Variants in COL22A1 observed in about 807,000 individuals in gnomAD.
COL22A1 encodes the protein collagen type XXII alpha 1 chain.
In COL22A1, 221 loss-of-function variants were observed where a neutral mutation model predicts 248.9. The observed-to-expected ratio is 0.89, with a 90% CI of 0.80 to 0.99. COL22A1 has a LOEUF of 0.99. Ranked by LOEUF, COL22A1 falls within the 50% of genes least tolerant of loss-of-function variation. The pLI is 0.00. For missense variants in COL22A1, 2,240 were observed against 2,179.0 expected, an observed-to-expected ratio of 1.03 and a Z score of -0.56; for synonymous variants, 891 against 793.4, an observed-to-expected ratio of 1.12 and a Z score of -2.07.
At chr8:138,611,182 C>G (rs1818833070) in intron 56 of COL22A1, among the ~76,000 whole-genome samples, 1 of 152,236 alleles carries the variant, frequency 6.6e-6, no homozygotes, top group African/African-American at 2.4e-5. Context: ...AGCTAAGGCC[C>G]CTCTTGCCTC....
intron 63 of COL22A1, among the ~76,000 whole-genome samples, chr8:138,592,878 A>AC (rs1271780635): frequency 6.6e-6 from 1 of 152,214 alleles, no homozygotes; most frequent in Non-Finnish European, 1.5e-5. Context: ...TTTTTAAACA[A>AC]CCTTTTATAA....
At chr8:138,618,180 T>C (rs1819488022) in intron 53 of COL22A1, among the ~76,000 whole-genome samples, 1 of 152,206 alleles carries the variant, frequency 6.6e-6, no homozygotes, top group Non-Finnish European at 1.5e-5. Flanking sequence ...TGCCATTTCA[T>C]AGAAGAAGAA....
rs71518485 is a variant in COL22A1 at position 138,809,528 on chromosome 8, C to CTTTTTTTTTTTTTTTTTTTTTTT, written c.1450-1717_1450-1716insAAAAAAAAAAAAAAAAAAAAAAA. 2.2e-4 allele frequency among the ~76,000 whole-genome samples: 26 copies of CTTTTTTTTTTTTTTTTTTTTTTT among 117,664 alleles called. 1 individual carries two copies. Among genetic ancestry groups the CTTTTTTTTTTTTTTTTTTTTTTT allele is most frequent in the Middle Eastern group, 4.9e-3 (1 of 206 alleles). The allele number at this position is 117,664 out of a possible 152,430, so 77.2% of individuals were successfully genotyped here. On this transcript the variant is annotated intron_variant, in intron 9 of 64. Coordinates refer to ENST00000303045, the MANE Select transcript of COL22A1 (RefSeq NM_152888.3). ...TTTCTTCTTCTCTTTTTTTCTTTTTCTTTTTTTTTTGAGACAGAGTCTCAC... is the reference window on the plus strand; with the variant it reads ...TTTCTTCTTCTCTTTTTTTCTTTTTCTTTTTTTTTTTTTTTTTTTTTTTTTTTTTTTTTGAGACAGAGTCTCAC...
intron 23 of COL22A1, among the ~76,000 whole-genome samples, chr8:138,732,762 C>T: frequency 6.6e-6 from 1 of 152,136 alleles, no homozygotes; most frequent in African/African-American, 2.4e-5. Flanking sequence ...TGAAGAAACA[C>T]TTGGTCCCTC....
At chr8:138,817,157 T>C (rs1185510920) in intron 7 of COL22A1, among the ~76,000 whole-genome samples, 1 of 152,224 alleles carries the variant, frequency 6.6e-6, no homozygotes, top group African/African-American at 2.4e-5. Context: ...ATTCAAGAAG[T>C]AGCATCTTTA....
intron 1 of COL22A1, among the ~76,000 whole-genome samples, chr8:138,900,760 G>A (rs138862827): frequency 2.0e-3 from 312 of 152,344 alleles, no homozygotes; most frequent in African/African-American, 6.6e-3. Context: ...GTCCCAGACT[G>A]TGTGCCAGGC....
chr8:138,843,995 G>A (rs1488568435), intron 4 of COL22A1, 89 bp downstream of exon 4: 4 of 1,164,950 alleles, frequency 3.4e-6, no homozygotes, highest in Admixed American at 1.7e-5. Flanking sequence ...CAGGGTCAGT[G>A]AGGCCACCCC....
At chr8:138,760,165 C>G in intron 18 of COL22A1, 78 bp downstream of exon 18, 1 of 1,276,626 alleles carries the variant, frequency 7.8e-7, no homozygotes, top group Non-Finnish European at 1.0e-6. Context: ...CTTCCCTGAG[C>G]CTGGTTTGCC....
At chr8:138,594,779 T>C (rs1309168883) in intron 62 of COL22A1, among the ~76,000 whole-genome samples, 1 of 152,042 alleles carries the variant, frequency 6.6e-6, no homozygotes, top group Non-Finnish European at 1.5e-5. Flanking sequence ...CAATGGTCAG[T>C]TGGGGAAACT....
At chr8:138,833,194 G>A (rs185972728) in intron 4 of COL22A1, 44 bp from the exon 5 acceptor site, 2 of 1,381,346 alleles carry the variant, frequency 1.4e-6, no homozygotes, top group South Asian at 1.2e-5. Context: ...AGAAGGAAGA[G>A]TATAAGAGAC....
chr8:138,649,849 T>C (rs923273481), intron 45 of COL22A1, 71 bp from the exon 46 acceptor site: 4 of 912,028 alleles, frequency 4.4e-6, no homozygotes, highest in Non-Finnish European at 6.6e-6. Flanking sequence ...CAAAGCAAAG[T>C]AGCCCTGGCT....
intron 61 of COL22A1, among the ~76,000 whole-genome samples, chr8:138,598,279 C>T (rs1817709248): frequency 6.6e-6 from 1 of 152,142 alleles, no homozygotes; most frequent in Non-Finnish European, 1.5e-5. Context: ...TCGGCAGATA[C>T]AAGAGTGGCA....
At chr8:138,626,341 G>A in intron 50 of COL22A1, 98 bp from the exon 51 acceptor site, 2 of 967,976 alleles carry the variant, frequency 2.1e-6, no homozygotes, top group Non-Finnish European at 3.3e-6. Context: ...TTGGGGGAGT[G>A]AGTGTTTGGT....
intron 23 of COL22A1, among the ~76,000 whole-genome samples, chr8:138,725,834 G>C (rs1294453497): frequency 1.3e-5 from 2 of 151,682 alleles, no homozygotes; most frequent in African/African-American, 4.8e-5. Flanking sequence ...TTCCAGAAGA[G>C]TGCTTCTCAA....
intron 1 of COL22A1, among the ~76,000 whole-genome samples, chr8:138,910,290 C>G (rs12679664): frequency 3.7e-4 from 57 of 152,318 alleles, no homozygotes; most frequent in Non-Finnish European, 6.6e-4. Flanking sequence ...ACCAATTCTT[C>G]CCCTCAACAT....
intron 25 of COL22A1, 68 bp downstream of exon 25, chr8:138,724,547 C>T: frequency 6.7e-7 from 1 of 1,500,834 alleles, no homozygotes; most frequent in Non-Finnish European, 9.2e-7. Context: ...GCTGCAAGGG[C>T]TCAGTGCTCC....
In COL22A1 at chr8:138,635,016, C is replaced by T. The variant is rs1821030670; in HGVS notation, c.3603G>A (p.Gly1201=). 6.2e-7 allele frequency: 1 copy of T among 1,603,860 alleles called. No individual in the cohort carries two copies. ...ATTAAAGATGATTACTTACTGGTGG[C>T]CCAGGGTTCCCTGGGGGCCCCATGA... ...PGFMGPPGNP[G]PPGADGIAGA... is the part of the protein sequence containing the mutation. The change falls in exon 49 of 65, where the codon GGG becomes GGA. Residue 1201 remains glycine (G), a synonymous_variant. Transcript: ENST00000303045.
intron 2 of COL22A1, among the ~76,000 whole-genome samples, chr8:138,881,716 A>G (rs555598826): frequency 6.6e-6 from 1 of 152,190 alleles, no homozygotes; most frequent in Admixed American, 6.5e-5. Flanking sequence ...ATCACTTCCT[A>G]TAAGATGGGC....
At position 138,594,141 on chromosome 8, in the gene COL22A1, G is replaced by A; in HGVS notation, c.4491C>T (p.Gly1497=). ...MPPAYMKSSQ[G]RPGPPGPPGK... ...CAGGGGGCCCTGGGGGCCCAGGTCT[G>A]CCTTGAGATGACTTCATGTACGCCG... is the stretch of plus-strand genomic sequence containing the variant. Residue 1497 remains glycine (G), a synonymous_variant, in exon 63 of 65, where the codon GGC becomes GGT. Coordinates refer to ENST00000303045, the MANE Select transcript of COL22A1 (RefSeq NM_152888.3). 6.3e-7 allele frequency: 1 copy of A among 1,578,916 alleles called. No homozygotes were observed. Among genetic ancestry groups the A allele is most frequent in the South Asian group, 1.2e-5 (1 of 86,234 alleles).
Sources: gnomAD v4.1 joint callset for allele counts (sites outside exome capture counted in the v4.1 genomes callset) on GRCh38, gnomAD v4.1.1 for gene constraint, MANE v1.5 for transcripts, NCBI Gene and HGNC (gene_info 2026-07-23, HGNC 2026-07-21) for gene names.